TRIP12: variants seen among roughly 807,000 people sequenced by gnomAD.
TRIP12 encodes the protein E3 ubiquitin-protein ligase TRIP12.
Under a neutral mutation model 244.2 loss-of-function variants are expected in TRIP12, and 25 were observed. The observed-to-expected ratio is 0.10, with a 90% CI of 0.07 to 0.14. The LOEUF (loss-of-function observed/expected upper bound fraction) is 0.14. Ranked by LOEUF, TRIP12 falls within the 10% of genes least tolerant of loss-of-function variation. The pLI, the probability that TRIP12 is intolerant of heterozygous loss-of-function variation, is 1.00. For synonymous variants in TRIP12, 905 were observed against 873.1 expected, an observed-to-expected ratio of 1.04 and a Z score of -0.64; for missense variants, 1,677 against 2,486.4, an observed-to-expected ratio of 0.67 and a Z score of 6.92.
rs1342921424 is a variant in TRIP12, at chr2:229,767,458, G to A, written c.*96C>T. 7.1e-6 allele frequency: 10 copies of A among 1,414,580 alleles called. No individual in the cohort carries two copies. Among genetic ancestry groups the A allele is most frequent in the East Asian group, 2.4e-5 (1 of 41,966 alleles). The allele number at this position is 1,414,580 out of a possible 1,614,324, so 87.6% of individuals were successfully genotyped here. The stretch of plus-strand genomic sequence containing the variant: ...GCCGTTTTTCCTACAACAAGAAGGC[G>A]TAACATGTTTCCTTGACTCAGGTGA... On this transcript the variant is annotated 3_prime_UTR_variant, in exon 42 of 42. Coordinates refer to ENST00000675903, the MANE Select transcript of TRIP12 (RefSeq NM_001348323.3).
At chr2:229,825,109 T>G (rs2051177039) in intron 8 of TRIP12, among the ~76,000 whole-genome samples, 1 of 152,176 alleles carries the variant, frequency 6.6e-6, no homozygotes, top group Non-Finnish European at 1.5e-5. Context: ...AAAACACTTT[T>G]TAACTTTTTT....
chr2:229,769,957 T>C (rs896827610), intron 39 of TRIP12, among the ~76,000 whole-genome samples: 2 of 152,182 alleles, frequency 1.3e-5, no homozygotes, highest in African/African-American at 4.8e-5. Flanking sequence ...ATATCTATTA[T>C]ATAATGCTCA....
chr2:229,892,948 A>G (rs2067748900), intron 1 of TRIP12, among the ~76,000 whole-genome samples: 1 of 152,248 alleles, frequency 6.6e-6, no homozygotes, highest in African/African-American at 2.4e-5. Context: ...TCAAATGGGC[A>G]TAAACATAAA....
chr2:229,828,001 T>G (rs2052216219), intron 8 of TRIP12, among the ~76,000 whole-genome samples: 2 of 152,228 alleles, frequency 1.3e-5, no homozygotes. Context: ...AGCTAGATGA[T>G]GAGCATTTTT....
rs2031947131 is a variant in TRIP12 at position 229,766,934 on chromosome 2, A to G, written c.*620T>C. The G allele has an allele frequency of 6.6e-6, 1 of 152,220 alleles. No homozygotes were observed. The highest frequency in any genetic ancestry group is 2.4e-5 in the African/African-American group (1 of 41,464). 9.4% of individuals were successfully genotyped at this position (152,220 alleles called of 1,614,324 possible). Reference sequence around the variant, plus strand: ...TAAATTTCAATCCAATGAATTTTAAATTAGATCTTAACTGGAGAGAACATG... The same window carrying G: ...TAAATTTCAATCCAATGAATTTTAAGTTAGATCTTAACTGGAGAGAACATG... On this transcript the variant is annotated 3_prime_UTR_variant, in exon 42 of 42. Transcript: ENST00000675903.
intron 34 of TRIP12, among the ~76,000 whole-genome samples, chr2:229,782,608 CACA>C (rs1283924053): frequency 2.0e-5 from 3 of 152,176 alleles, no homozygotes; most frequent in Admixed American, 2.0e-4. Context: ...CTTTCCAGTA[CACA>C]ACAACTTATA....
At chr2:229,800,580 A>G (rs1450416170) in intron 21 of TRIP12, among the ~76,000 whole-genome samples, 1 of 152,210 alleles carries the variant, frequency 6.6e-6, no homozygotes, top group Non-Finnish European at 1.5e-5. Context: ...ATGTAATTAA[A>G]CAATTTTCAT....
At chr2:229,868,361 C>T (rs1215615594) in intron 2 of TRIP12, among the ~76,000 whole-genome samples, 1 of 152,126 alleles carries the variant, frequency 6.6e-6, no homozygotes, top group African/African-American at 2.4e-5. Context: ...ACGACCACAC[C>T]TGGCTAATTT....
At chr2:229,846,259 A>G (rs1299820786) in intron 4 of TRIP12, among the ~76,000 whole-genome samples, 2 of 152,136 alleles carry the variant, frequency 1.3e-5, no homozygotes, top group African/African-American at 2.4e-5. Context: ...TCGTGGAAGC[A>G]AAAGTCAATC....
intron 18 of TRIP12, among the ~76,000 whole-genome samples, chr2:229,805,222 A>AAACAACAACCAACAACAACAAC (rs1553624607): frequency 6.7e-6 from 1 of 149,366 alleles, no homozygotes; most frequent in Non-Finnish European, 1.5e-5. Context: ...GCCCTTTTCA[A>AAACAACAACCAACAACAACAAC]AACAACAACA....
intron 2 of TRIP12, among the ~76,000 whole-genome samples, chr2:229,878,213 G>A (rs773132842): frequency 2.6e-5 from 4 of 152,080 alleles, no homozygotes; most frequent in Non-Finnish European, 5.9e-5. Flanking sequence ...GCACTCTGAG[G>A]CCAAGGCCAA....
intron 2 of TRIP12, among the ~76,000 whole-genome samples, chr2:229,864,064 G>GTC (rs1559958399): frequency 6.6e-6 from 1 of 151,384 alleles, no homozygotes; most frequent in African/African-American, 2.5e-5. Context: ...GTGTGTGTGT[G>GTC]TGTGTGTGTG....
Position 229,791,842 on chromosome 2 carries a change from AAAAG to A in TRIP12, c.4415+20_4415+23del, listed in dbSNP as rs2154259856. The A allele has an allele frequency of 6.2e-7, 1 of 1,605,758 alleles. No individual in the cohort carries two copies. Among genetic ancestry groups the A allele is most frequent in the Non-Finnish European group, 8.5e-7 (1 of 1,177,044 alleles). On this transcript the variant is annotated intron_variant, in intron 29 of 41. Coordinates refer to ENST00000675903, the MANE Select transcript of TRIP12 (RefSeq NM_001348323.3). The stretch of plus-strand genomic sequence containing the variant: ...ACAGTTTCAAAGTTTATGAAAAAAC[AAAAG>A]AAAGAATTTTCAGACTTGCCATATT...
chr2:229,917,094 G>A (rs1292568360), intron 1 of TRIP12, among the ~76,000 whole-genome samples: 3 of 151,978 alleles, frequency 2.0e-5, no homozygotes, highest in African/African-American at 7.2e-5. Context: ...GAATTACCAA[G>A]CACTGGCCGG....
At position 229,830,823 on chromosome 2, in the gene TRIP12, T is replaced by A; in HGVS notation, c.1287A>T (p.Ala429=). 1 of 1,614,116 alleles carries A rather than the reference T, an allele frequency of 6.2e-7. No individual in the cohort carries two copies. Among genetic ancestry groups the A allele is most frequent in the South Asian group, 1.1e-5 (1 of 91,088 alleles). The change falls in exon 7 of 42, where the codon GCA becomes GCT. Residue 429 remains alanine, a synonymous_variant. Coordinates refer to ENST00000675903, the MANE Select transcript of TRIP12 (RefSeq NM_001348323.3). ...PQGAAASSSV[A]GAVGMTTSGE... is the part of the protein sequence containing the mutation. ...CAGAGGTGGTCATGCCAACAGCCCC[T>A]GCAACAGAACTAGAGGCTTGGGGTG...
intron 1 of TRIP12, among the ~76,000 whole-genome samples, chr2:229,917,851 C>T (rs887630912): frequency 6.6e-6 from 1 of 152,122 alleles, no homozygotes; most frequent in Non-Finnish European, 1.5e-5. Context: ...GCCACCATGC[C>T]CAGCTAACTT....
At chr2:229,860,918 T>C (rs76236142) in intron 2 of TRIP12, among the ~76,000 whole-genome samples, 1,841 of 152,304 alleles carry the variant, frequency 0.012, 70 homozygotes, top group Admixed American at 0.076. Context: ...GTGACTGTAA[T>C]GGCTTTAAAA....
intron 1 of TRIP12, among the ~76,000 whole-genome samples, chr2:229,915,728 C>T (rs551565584): frequency 1.3e-5 from 2 of 152,044 alleles, no homozygotes; most frequent in South Asian, 2.1e-4. Flanking sequence ...CAGGGTCTCA[C>T]GGTCACCCAG....
chr2:229,845,771 A>G (rs1274563815), intron 4 of TRIP12, among the ~76,000 whole-genome samples: 1 of 152,156 alleles, frequency 6.6e-6, no homozygotes, highest in Non-Finnish European at 1.5e-5. Context: ...CACATCTGTA[A>G]GCCCAGCAGT....
Sources: allele counts gnomAD v4.1 joint callset (sites outside exome capture counted in the v4.1 genomes callset), GRCh38; gene constraint gnomAD v4.1.1; transcripts MANE v1.5; gene names NCBI Gene and HGNC (gene_info 2026-07-23, HGNC 2026-07-21).